VMP1: variants seen among roughly 807,000 people sequenced by gnomAD.
VMP1 encodes ectopic P-granules autophagy protein 3 homolog.
VMP1 carries 11 observed loss-of-function variants against 56.0 expected under a neutral mutation model. The observed-to-expected ratio is 0.20, with a 90% CI of 0.12 to 0.32. VMP1 has a LOEUF of 0.32. Ranked by LOEUF, VMP1 falls within the 10% of genes least tolerant of loss-of-function variation. The pLI is 1.00. For missense variants in VMP1, 296 were observed against 490.3 expected (o/e 0.60, Z 3.74); for synonymous variants, 149 against 165.0 (o/e 0.90, Z 0.74).
At chr17:59,812,887 C>T (rs1046648352) in intron 9 of VMP1, among the ~76,000 whole-genome samples, 7 of 152,070 alleles carry the variant, frequency 4.6e-5, no homozygotes, top group African/African-American at 7.2e-5. Flanking sequence ...GCCAAGATCA[C>T]GCCACTGCAC....
intron 10 of VMP1, among the ~76,000 whole-genome samples, chr17:59,826,891 A>G (rs2038661239): frequency 6.6e-6 from 1 of 152,162 alleles, no homozygotes; most frequent in South Asian, 2.1e-4. Flanking sequence ...TTTAGACTAG[A>G]GCACCAGTTT....
intron 2 of VMP1, among the ~76,000 whole-genome samples, chr17:59,732,270 G>A (rs1304772395): frequency 6.6e-6 from 1 of 152,006 alleles, no homozygotes; most frequent in Non-Finnish European, 1.5e-5. Flanking sequence ...TTTTTGAGAC[G>A]GAATCTCACT....
intron 5 of VMP1, among the ~76,000 whole-genome samples, chr17:59,750,832 A>C (rs1481687296): frequency 1.3e-5 from 2 of 152,008 alleles, no homozygotes; most frequent in Admixed American, 6.6e-5. Flanking sequence ...AAGTAGTGCA[A>C]GTTACAAATT....
rs2038272258 is a variant in VMP1 at position 59,817,249 on chromosome 17, G to A, written c.913-463G>A. Reference sequence around the variant, plus strand: ...AGATCACGCCATGGCACTCCAGCCTGGGCAACTGGGCAATAAGAGTGAAAC... The same window carrying A: ...AGATCACGCCATGGCACTCCAGCCTAGGCAACTGGGCAATAAGAGTGAAAC... On this transcript the variant is annotated intron_variant, in intron 9 of 11. Coordinates refer to ENST00000262291, the MANE Select transcript of VMP1 (RefSeq NM_030938.5). 3.0e-4 allele frequency among the ~76,000 whole-genome samples: 3 copies of A among 9,938 alleles called. No homozygotes were observed. The Admixed American group carries it at 4.5e-3, about 15-fold the overall frequency. The allele number at this position is 9,938 out of a possible 152,430, so 6.5% of individuals were successfully genotyped here. A position where few individuals can be genotyped will look rare whatever the true frequency, so the allele number is the denominator to read the frequency against.
intron 2 of VMP1, among the ~76,000 whole-genome samples, chr17:59,733,115 C>A (rs1430475485): frequency 6.6e-6 from 1 of 152,068 alleles, no homozygotes; most frequent in Non-Finnish European, 1.5e-5. Flanking sequence ...TCGATTTAGC[C>A]CACAAGGCTG....
At chr17:59,718,529 G>C (rs564615817) in intron 1 of VMP1, among the ~76,000 whole-genome samples, 57 of 146,592 alleles carry the variant, frequency 3.9e-4, no homozygotes, top group African/African-American at 1.3e-3. Flanking sequence ...CTCTTAACAC[G>C]GTCTTACTCT....
chr17:59,757,859 CTTTT>C (rs66605258), intron 5 of VMP1, among the ~76,000 whole-genome samples: 5 of 91,294 alleles, frequency 5.5e-5, no homozygotes, highest in Non-Finnish European at 1.0e-4. Context: ...TTATTTGCCA[CTTTT>C]TTTTTTTTTT....
At chr17:59,716,607 T>A (rs550709484) in intron 1 of VMP1, among the ~76,000 whole-genome samples, 8 of 152,336 alleles carry the variant, frequency 5.3e-5, no homozygotes, top group Non-Finnish European at 8.8e-5. Flanking sequence ...GCCGACTTGC[T>A]ATTTGGGGCC....
chr17:59,713,306 C>T (rs1176602958), intron 1 of VMP1, among the ~76,000 whole-genome samples: 2 of 151,750 alleles, frequency 1.3e-5, no homozygotes, highest in African/African-American at 2.4e-5. Context: ...ATGTAAATGA[C>T]GAGTTAATAG....
chr17:59,710,553 T>C (rs985327259), intron 1 of VMP1, among the ~76,000 whole-genome samples: 6 of 152,358 alleles, frequency 3.9e-5, no homozygotes, highest in African/African-American at 1.4e-4. Context: ...AAACTTTTTT[T>C]CCCTCTTTAG....
chr17:59,726,291 G>GTT (rs541555827), intron 1 of VMP1, among the ~76,000 whole-genome samples: 2,864 of 144,928 alleles, frequency 0.02, 43 homozygotes, highest in Non-Finnish European at 0.029. Context: ...AGTTTTTTTT[G>GTT]TTTTTTTTTT....
At position 59,833,110 on chromosome 17, in the gene VMP1, C is replaced by T. The variant is rs1208445071; in HGVS notation, c.975-5185C>T. Among the ~76,000 whole-genome samples the T allele has an allele frequency of 4.6e-5, 7 of 152,150 alleles. No individual in the cohort carries two copies. In the East Asian group the frequency reaches 1.4e-3, roughly 29 times the overall value. ...GAACTGTGTTGCAAATTATTACTCC[C>T]ACCGTGTGTGCACTTTAAATTAATC... On this transcript the variant is annotated intron_variant, in intron 10 of 11. Transcript: ENST00000262291.
chr17:59,828,978 T>C (rs536746215), intron 10 of VMP1, among the ~76,000 whole-genome samples: 1 of 152,110 alleles, frequency 6.6e-6, no homozygotes, highest in South Asian at 2.1e-4. Context: ...TAGCAGGGTG[T>C]AGTGGTGCCT....
At chr17:59,745,283 C>G (rs927668383) in intron 5 of VMP1, among the ~76,000 whole-genome samples, 3 of 152,308 alleles carry the variant, frequency 2.0e-5, no homozygotes, top group Non-Finnish European at 1.5e-5. Context: ...GTGGTAGTCT[C>G]TGTGAGCATC....
At chr17:59,814,066 C>T (rs541222014) in intron 9 of VMP1, among the ~76,000 whole-genome samples, 11 of 152,212 alleles carry the variant, frequency 7.2e-5, no homozygotes, top group East Asian at 1.9e-4. Context: ...CTGCAACCTC[C>T]GCCTCCCAGG....
intron 7 of VMP1, among the ~76,000 whole-genome samples, chr17:59,785,767 T>C (rs2036987449): frequency 6.6e-6 from 1 of 152,078 alleles, no homozygotes; most frequent in African/African-American, 2.4e-5. Context: ...TGTCTTTCTG[T>C]TGAGTATCGT....
chr17:59,781,778 A>G (rs1048257436), intron 7 of VMP1, among the ~76,000 whole-genome samples: 1 of 152,152 alleles, frequency 6.6e-6, no homozygotes. Context: ...ACAGGTGCAT[A>G]TATCTTTTTT....
intron 9 of VMP1, among the ~76,000 whole-genome samples, chr17:59,813,463 G>A (rs942246846): frequency 6.6e-6 from 1 of 151,840 alleles, no homozygotes; most frequent in Admixed American, 6.6e-5. Context: ...TGTAATCCCA[G>A]CTACTCAGGA....
chr17:59,788,421 A>T (rs1324574142), intron 7 of VMP1, among the ~76,000 whole-genome samples: 2 of 151,968 alleles, frequency 1.3e-5, no homozygotes, highest in Non-Finnish European at 2.9e-5. Flanking sequence ...CGGGAGGCGT[A>T]CATTTTAGTG....
Sources: allele counts gnomAD v4.1 joint callset (sites outside exome capture counted in the v4.1 genomes callset), GRCh38; gene constraint gnomAD v4.1.1; transcripts MANE v1.5; gene names NCBI Gene and HGNC (gene_info 2026-07-23, HGNC 2026-07-21).